Variants in CCNY observed in about 807,000 individuals in gnomAD.
The protein encoded by CCNY is cyclin Y.
In CCNY, 19 loss-of-function variants were observed where a neutral mutation model predicts 42.8. That is an observed-to-expected ratio of 0.44 (90% CI 0.31 to 0.65). CCNY has a LOEUF of 0.65. Among genes scored for constraint, CCNY ranks in the 30% least tolerant of loss-of-function variants. CCNY has a pLI of 0.07. For missense variants in CCNY, 370 were observed against 437.3 expected (o/e 0.85, Z 1.37); for synonymous variants, 165 against 162.7 (o/e 1.01, Z -0.11).
intron 1 of CCNY, among the ~76,000 whole-genome samples, chr10:35,438,761 T>G (rs1222251535): frequency 6.6e-6 from 1 of 152,242 alleles, no homozygotes; most frequent in East Asian, 1.9e-4. Context: ...ACACACCCTC[T>G]TCTTCCTTTC....
In CCNY at chr10:35,569,330, G is replaced by A. The variant is rs1448499529; in HGVS notation, c.*160G>A. The A allele has an allele frequency of 1.6e-6, 1 of 614,072 alleles. No homozygotes were observed. The highest frequency in any genetic ancestry group is 2.7e-5 in the East Asian group (1 of 36,570). The allele number at this position is 614,072 out of a possible 1,614,324, so 38.0% of individuals were successfully genotyped here. A position where few individuals can be genotyped will look rare whatever the true frequency, so the allele number is the denominator to read the frequency against. ...GATGAGCGCCCATGCAGCAAGGCTT[G>A]GAGGAAGCGTCAGTGCCCTGGAGAT... On this transcript the variant is annotated 3_prime_UTR_variant, in exon 10 of 10. Transcript: ENST00000374704.
chr10:35,499,571 A>G (rs529670455), intron 2 of CCNY, among the ~76,000 whole-genome samples: 5 of 152,206 alleles, frequency 3.3e-5, no homozygotes, highest in South Asian at 2.1e-4. Context: ...AATAATTCCT[A>G]ATCTTCTCAA....
chr10:35,512,314 A>G (rs1265106104), intron 3 of CCNY, among the ~76,000 whole-genome samples: 1 of 152,066 alleles, frequency 6.6e-6, no homozygotes, highest in Non-Finnish European at 1.5e-5. Context: ...GAAAGGAGAG[A>G]TTTGGGACCC....
At chr10:35,438,278 A>C (rs1319174116) in intron 1 of CCNY, among the ~76,000 whole-genome samples, 1 of 151,112 alleles carries the variant, frequency 6.6e-6, no homozygotes, top group East Asian at 1.9e-4. Context: ...CCTTCCAAGT[A>C]GCTGGGATTA....
At position 35,336,762 on chromosome 10, in the gene CCNY, G is replaced by C. The variant is rs1836042051; in HGVS notation, c.-292G>C. On this transcript the variant is annotated 5_prime_UTR_variant, in exon 1 of 10. Coordinates refer to ENST00000374704, the MANE Select transcript of CCNY (RefSeq NM_145012.6). ...GGCCGCGGCGGGGTGAGGTAGGCGC[G>C]GCGGCCGCAGTCGCGCGGACCCGAG... The C allele has an allele frequency of 6.8e-6, 1 of 146,976 alleles. No individual in the cohort carries two copies. Among genetic ancestry groups the C allele is most frequent in the East Asian group, 2.0e-4 (1 of 5,078 alleles). The allele number at this position is 146,976 out of a possible 1,614,324, so 9.1% of individuals were successfully genotyped here. A position where few individuals can be genotyped will look rare whatever the true frequency, so the allele number is the denominator to read the frequency against.
rs1161214757 is a variant in CCNY, at chr10:35,337,218, C to T, written c.154+11C>T. ...GGGAGAACATAGACGGTGAGTGCGG[C>T]CCGCCGAGCCCCCTACCCGCCCCCG... On this transcript the variant is annotated intron_variant, in intron 1 of 9. Coordinates refer to ENST00000374704, the MANE Select transcript of CCNY (RefSeq NM_145012.6). 1 of 1,512,114 alleles carries T rather than the reference C, an allele frequency of 6.6e-7. No homozygotes were observed. Among genetic ancestry groups the T allele is most frequent in the African/African-American group, 1.4e-5 (1 of 70,202 alleles). 93.7% of individuals were successfully genotyped at this position (1,512,114 alleles called of 1,614,324 possible).
At chr10:35,332,637 C>T (rs1042719404), upstream of CCNY, among the ~76,000 whole-genome samples, 37 of 152,274 alleles carry the variant, frequency 2.4e-4, no homozygotes, top group African/African-American at 8.2e-4. Context: ...CGGAGTCTTG[C>T]TCTGTCACCC....
intron 7 of CCNY, among the ~76,000 whole-genome samples, chr10:35,545,990 TTAGG>T (rs1368871766): frequency 6.6e-6 from 1 of 152,156 alleles, no homozygotes; most frequent in Non-Finnish European, 1.5e-5. Flanking sequence ...TACAGGGAGT[TTAGG>T]TAGCTACCCC....
chr10:35,489,001 C>A (rs184461896), intron 2 of CCNY, among the ~76,000 whole-genome samples: 1 of 152,040 alleles, frequency 6.6e-6, no homozygotes, highest in Non-Finnish European at 1.5e-5. Flanking sequence ...TGACCTAGGC[C>A]GGGCACGGTG....
intron 3 of CCNY, among the ~76,000 whole-genome samples, chr10:35,277,308 A>G (rs1197868901): frequency 6.6e-6 from 1 of 152,170 alleles, no homozygotes; most frequent in African/African-American, 2.4e-5. Flanking sequence ...AACAAGAAGA[A>G]ACAGCCCACT....
chr10:35,284,399 C>T (rs181604444), intron 3 of CCNY, among the ~76,000 whole-genome samples: 168 of 152,258 alleles, frequency 1.1e-3, no homozygotes, highest in African/African-American at 3.6e-3. Flanking sequence ...CCTGCCGTGC[C>T]TGAAGTTATG....
At chr10:35,372,357 A>C (rs1333717250) in intron 1 of CCNY, among the ~76,000 whole-genome samples, 1 of 152,076 alleles carries the variant, frequency 6.6e-6, no homozygotes, top group Non-Finnish European at 1.5e-5. Flanking sequence ...TGCAAAGATT[A>C]CTCTTCCAAA....
intron 3 of CCNY, among the ~76,000 whole-genome samples, chr10:35,256,674 TG>T (rs1177378880): frequency 6.6e-6 from 1 of 151,158 alleles, no homozygotes; most frequent in East Asian, 1.9e-4. Context: ...GAGGTTGCAG[TG>T]AGCTGAGATC....
chr10:35,562,592 T>C (rs937501526), intron 8 of CCNY, among the ~76,000 whole-genome samples: 1 of 152,198 alleles, frequency 6.6e-6, no homozygotes, highest in African/African-American at 2.4e-5. Flanking sequence ...GTCCAGCATA[T>C]TTCACTTGCC....
At chr10:35,402,517 A>G (rs1248285657) in intron 1 of CCNY, among the ~76,000 whole-genome samples, 1 of 152,196 alleles carries the variant, frequency 6.6e-6, no homozygotes, top group Non-Finnish European at 1.5e-5. Flanking sequence ...TTAAAAATAT[A>G]GAGAGTCCTC....
chr10:35,564,017 T>C (rs982709635), intron 8 of CCNY, among the ~76,000 whole-genome samples: 2 of 151,928 alleles, frequency 1.3e-5, no homozygotes, highest in African/African-American at 4.8e-5. Context: ...GCTTGAATTA[T>C]AGGCATGTGC....
chr10:35,508,511 C>G (rs557533319), intron 3 of CCNY, among the ~76,000 whole-genome samples: 1 of 152,240 alleles, frequency 6.6e-6, no homozygotes, highest in Non-Finnish European at 1.5e-5. Flanking sequence ...AGTCCTGATT[C>G]CTTTTAGTGG....
chr10:35,450,113 C>T (rs762706157), intron 1 of CCNY, among the ~76,000 whole-genome samples: 32 of 151,366 alleles, frequency 2.1e-4, no homozygotes, highest in African/African-American at 1.2e-4. Context: ...GGCTCTGAGT[C>T]GGGTAGAGAA....
At chr10:35,384,761 TG>T in intron 1 of CCNY, among the ~76,000 whole-genome samples, 1 of 152,296 alleles carries the variant, frequency 6.6e-6, no homozygotes, top group African/African-American at 2.4e-5. Context: ...AAGGTGCCCC[TG>T]GGACCCTTTC....
Sources: gnomAD v4.1 joint callset for allele counts (sites outside exome capture counted in the v4.1 genomes callset) on GRCh38, gnomAD v4.1.1 for gene constraint, MANE v1.5 for transcripts, NCBI Gene and HGNC (gene_info 2026-07-23, HGNC 2026-07-21) for gene names.